The following AMMECR1L variants were observed in gnomAD, a reference collection of about 807,000 sequenced individuals.
AMMECR1L encodes the protein AMMECR1-like protein.
A neutral mutation model predicts 36.8 loss-of-function variants in AMMECR1L; 4 were observed. That is an observed-to-expected ratio of 0.11 (90% CI 0.05 to 0.25). The LOEUF (loss-of-function observed/expected upper bound fraction) is 0.25, where lower values mean the gene tolerates loss of function less well. Ranked by LOEUF, AMMECR1L falls within the 10% of genes least tolerant of loss-of-function variation. The probability of loss-of-function intolerance (pLI) is 1.00; values close to 1 mark genes in which losing one functional copy is unlikely to be tolerated. For missense variants in AMMECR1L, 232 were observed against 392.1 expected (o/e 0.59, Z 3.45); for synonymous variants, 147 against 148.0 (o/e 0.99, Z 0.05).
chr2:127,885,687 G>A (rs1017993586), intron 1 of AMMECR1L, 123 bp downstream of exon 1: 1 of 983,368 alleles, frequency 1.0e-6, no homozygotes. Flanking sequence ...GGACCGCGGG[G>A]TCTCTTCCCG....
At chr2:127,879,020 C>A (rs1691372151) in intron 2 of AMMECR1L, among the ~76,000 whole-genome samples, 1 of 152,170 alleles carries the variant, frequency 6.6e-6, no homozygotes, top group South Asian at 2.1e-4. Flanking sequence ...CAACCTATGG[C>A]CAATCTTACT....
intron 2 of AMMECR1L, among the ~76,000 whole-genome samples, chr2:127,875,651 C>T (rs1558996842): frequency 1.3e-5 from 2 of 152,180 alleles, no homozygotes; most frequent in Admixed American, 6.5e-5. Flanking sequence ...ATATGCTGAT[C>T]CATAACAAAA....
intron 3 of AMMECR1L, among the ~76,000 whole-genome samples, chr2:127,872,030 A>G (rs1366481210): frequency 6.6e-6 from 1 of 151,910 alleles, no homozygotes; most frequent in Non-Finnish European, 1.5e-5. Context: ...CTCTACTAGA[A>G]ATATAAAAAT....
In AMMECR1L at chr2:127,866,892, T is replaced by C. The variant is rs1271706085; in HGVS notation, c.821+8A>G. The C allele has an allele frequency of 1.2e-6, 2 of 1,612,316 alleles. No individual in the cohort carries two copies. Among genetic ancestry groups the C allele is most frequent in the African/African-American group, 2.7e-5 (2 of 74,882 alleles). On this transcript the variant is annotated splice_region_variant and intron_variant, in intron 7 of 7. Transcript: ENST00000272647. The stretch of plus-strand genomic sequence containing the variant: ...TGAAATGATAAGGAAAACAAGACAA[T>C]GGCTTACCTGGTGAGTTTGATCGTT...
Position 127,874,380 on chromosome 2 carries a change from C to A in AMMECR1L, c.-38-108G>T. ...TTGACCAGCTAAGAGCTGTCAAATTCTTTCTCCCACTCAACCTCCAGGTCA... is the reference window on the plus strand; with the variant it reads ...TTGACCAGCTAAGAGCTGTCAAATTATTTCTCCCACTCAACCTCCAGGTCA... On this transcript the variant is annotated intron_variant, in intron 2 of 7. Transcript: ENST00000272647. This position sits in a 1 kb window ranked among gnomAD's most constrained non-coding sequence, Gnocchi z 5.2. The A allele has an allele frequency of 9.7e-7, 1 of 1,035,420 alleles. No individual in the cohort carries two copies. The highest frequency in any genetic ancestry group is 1.4e-6 in the Non-Finnish European group (1 of 730,148). 64.1% of individuals were successfully genotyped at this position (1,035,420 alleles called of 1,614,324 possible). A position where few individuals can be genotyped will look rare whatever the true frequency, so the allele number is the denominator to read the frequency against.
intron 6 of AMMECR1L, among the ~76,000 whole-genome samples, chr2:127,868,425 C>T (rs1690801226): frequency 6.6e-6 from 1 of 152,176 alleles, no homozygotes; most frequent in East Asian, 1.9e-4. Context: ...ATACACTGCT[C>T]TTGAAAAAGT....
Position 127,873,980 on chromosome 2 carries a change from C to T in AMMECR1L, c.255G>A (p.Ala85=), listed in dbSNP as rs563618984. ...PITRMNPASG[A]LSPLPRPNGT... is the part of the protein sequence containing the mutation. ...CATTAGGCCGGGGAAGAGGGCTCAG[C>T]GCTCCCGATGCGGGATTCATTCGTG... Residue 85 remains alanine (A), a synonymous_variant, in exon 3 of 8, where the codon GCG becomes GCA. Coordinates refer to ENST00000272647, the MANE Select transcript of AMMECR1L (RefSeq NM_001199140.2). This position sits in a 1 kb window ranked among gnomAD's most constrained non-coding sequence, Gnocchi z 5.2. 3.8e-5 allele frequency: 61 copies of T among 1,614,224 alleles called. No individual in the cohort carries two copies. The Admixed American group carries it at 5.2e-4, about 14-fold the overall frequency.
Position 127,885,812 on chromosome 2 carries a change from T to G in AMMECR1L, c.-151A>C, listed in dbSNP as rs1691754602. ...GCGGCGCAGCCCGAGTTTCCCACCT[T>G]TTCTCCTGGCCCAGACGCGGCTGGG... On this transcript the variant is annotated splice_region_variant and 5_prime_UTR_variant, in exon 1 of 8. Transcript: ENST00000272647. The G allele has an allele frequency of 3.0e-6, 3 of 984,694 alleles. No homozygotes were observed. Among genetic ancestry groups the G allele is most frequent in the Non-Finnish European group, 3.6e-6 (3 of 829,750 alleles). 61.0% of individuals were successfully genotyped at this position (984,694 alleles called of 1,614,324 possible).
At chr2:127,876,749 G>A (rs547958265) in intron 2 of AMMECR1L, among the ~76,000 whole-genome samples, 1 of 152,132 alleles carries the variant, frequency 6.6e-6, no homozygotes, top group Non-Finnish European at 1.5e-5. Context: ...CAGGCGCCCT[G>A]GCTCACGCCT....
chr2:127,878,468 C>T (rs1044017577), intron 2 of AMMECR1L, among the ~76,000 whole-genome samples: 2 of 152,068 alleles, frequency 1.3e-5, no homozygotes, highest in African/African-American at 4.8e-5. Context: ...TCTCATTACA[C>T]CAAACCACAC....
At chr2:127,877,020 AATATATATATATATACATAT>A (rs1163777711) in intron 2 of AMMECR1L, among the ~76,000 whole-genome samples, 3 of 144,932 alleles carry the variant, frequency 2.1e-5, no homozygotes, top group Non-Finnish European at 4.5e-5. Context: ...TCTGTCTCCA[AATATATATATATATACATAT>A]ATATATATAT....
In AMMECR1L at chr2:127,885,956, C is replaced by T; in HGVS notation, c.-295G>A. The T allele has an allele frequency of 1.0e-6, 1 of 993,650 alleles. No individual in the cohort carries two copies. The highest frequency in any genetic ancestry group is 1.7e-5 in the African/African-American group (1 of 57,214). The allele number at this position is 993,650 out of a possible 1,614,324, so 61.6% of individuals were successfully genotyped here. A position where few individuals can be genotyped will look rare whatever the true frequency, so the allele number is the denominator to read the frequency against. On this transcript the variant is annotated 5_prime_UTR_variant, in exon 1 of 8. Transcript: ENST00000272647. ...GGCCGGACGCGCTGCGCGGACGGGG[C>T]GGGGCGAAGGAGGCCGGCGGGCGGA...
chr2:127,875,488 T>C (rs995223236), intron 2 of AMMECR1L, among the ~76,000 whole-genome samples: 5 of 152,200 alleles, frequency 3.3e-5, no homozygotes, highest in African/African-American at 1.2e-4. Context: ...TAGGCATTGA[T>C]CTACAAATAG....
intron 6 of AMMECR1L, among the ~76,000 whole-genome samples, chr2:127,867,601 A>C (rs938212368): frequency 6.6e-6 from 1 of 152,044 alleles, no homozygotes. Context: ...GCAAAAATTA[A>C]GTGAGCGTGT....
rs1276291835 is a variant in AMMECR1L, at chr2:127,865,851, T to C, written c.822-646A>G. On this transcript the variant is annotated intron_variant, in intron 7 of 7. Coordinates refer to ENST00000272647, the MANE Select transcript of AMMECR1L (RefSeq NM_001199140.2). This position sits in a 1 kb window ranked among gnomAD's most constrained non-coding sequence, Gnocchi z 5.4. ...AGTCAGGATGCGAAGCATGGGGTGT[T>C]ACAAACCTATGGAGCCTACTACAGA... 6.6e-6 allele frequency among the ~76,000 whole-genome samples: 1 copy of C among 152,186 alleles called. No homozygotes were observed. The highest frequency in any genetic ancestry group is 6.5e-5 in the Admixed American group (1 of 15,278).
Position 127,885,841 on chromosome 2 carries a change from G to C in AMMECR1L, c.-180C>G. On this transcript the variant is annotated 5_prime_UTR_variant, in exon 1 of 8. Transcript: ENST00000272647. ...TCCTGGCCCAGACGCGGCTGGGGCG[G>C]ACGGGACCTCTCGCGCTCTGCCTCC... 1.0e-6 allele frequency: 1 copy of C among 985,618 alleles called. No individual in the cohort carries two copies. The highest frequency in any genetic ancestry group is 1.2e-6 in the Non-Finnish European group (1 of 829,900). 61.1% of individuals were successfully genotyped at this position (985,618 alleles called of 1,614,324 possible).
At position 127,871,399 on chromosome 2, in the gene AMMECR1L, T is replaced by G; in HGVS notation, c.408-40A>C. 6.3e-7 allele frequency: 1 copy of G among 1,586,164 alleles called. No homozygotes were observed. Among genetic ancestry groups the G allele is most frequent in the Non-Finnish European group, 8.6e-7 (1 of 1,162,864 alleles). On this transcript the variant is annotated intron_variant, in intron 3 of 7. Coordinates refer to ENST00000272647, the MANE Select transcript of AMMECR1L (RefSeq NM_001199140.2). This position sits in a 1 kb window ranked among gnomAD's most constrained non-coding sequence, Gnocchi z 4.3. ...ACACAAAACATTCTCCAGCCCCAAA[T>G]TAATCATGGATAAGAACAAAACCTT...
chr2:127,866,546 A>C (rs931998983), intron 7 of AMMECR1L, among the ~76,000 whole-genome samples: 1 of 152,194 alleles, frequency 6.6e-6, no homozygotes, highest in African/African-American at 2.4e-5. Context: ...GTCTGACTAC[A>C]TGTGCAGTCA....
At chr2:127,878,761 A>G (rs1691360101) in intron 2 of AMMECR1L, among the ~76,000 whole-genome samples, 1 of 152,218 alleles carries the variant, frequency 6.6e-6, no homozygotes, top group African/African-American at 2.4e-5. Flanking sequence ...ACCAACCACA[A>G]TCTTTGGCCC....
Sources: allele counts gnomAD v4.1 joint callset (sites outside exome capture counted in the v4.1 genomes callset), GRCh38; gene constraint gnomAD v4.1.1; non-coding constraint Gnocchi (gnomAD v3.1); transcripts MANE v1.5; gene names NCBI Gene and HGNC (gene_info 2026-07-23, HGNC 2026-07-21).